COPG1: variants seen among roughly 807,000 people sequenced by gnomAD.
COPG1 encodes the protein coatomer subunit gamma-1.
A neutral mutation model predicts 102.8 loss-of-function variants in COPG1; 29 were observed. The observed-to-expected ratio is 0.28, with a 90% CI of 0.21 to 0.38. COPG1 has a LOEUF of 0.38. COPG1 is among the 10% of genes least tolerant of loss of function. COPG1 has a pLI of 1.00. For synonymous variants in COPG1, 406 were observed against 421.6 expected (o/e 0.96, Z 0.45); for missense variants, 875 against 1,132.7 (o/e 0.77, Z 3.27).
intron 3 of COPG1, 94 bp from the exon 4 acceptor site, chr3:129,252,529 C>T: frequency 1.7e-6 from 2 of 1,177,204 alleles, no homozygotes; most frequent in Non-Finnish European, 1.3e-6. Flanking sequence ...CCTTGAGCCT[C>T]TTTAGGGTCT....
At chr3:129,259,289 C>T (rs995337564) in intron 10 of COPG1, among the ~76,000 whole-genome samples, 8 of 151,838 alleles carry the variant, frequency 5.3e-5, no homozygotes, top group African/African-American at 1.9e-4. Context: ...GGTGAAACCC[C>T]ATCTCTACTA....
intron 13 of COPG1, among the ~76,000 whole-genome samples, chr3:129,264,644 G>T (rs1246017886): frequency 6.6e-6 from 1 of 152,076 alleles, no homozygotes; most frequent in African/African-American, 2.4e-5. Context: ...GCACTTTGGT[G>T]ATTGTGTTTG....
At position 129,276,933 on chromosome 3, in the gene COPG1, C is replaced by T. The variant is rs1410329126; in HGVS notation, c.2495-361C>T. Among the ~76,000 whole-genome samples, 3 of 150,908 alleles carry T rather than the reference C, an allele frequency of 2.0e-5. No homozygotes were observed. In the Middle Eastern group the frequency reaches 0.01, roughly 520 times the overall value. ...CCGCCTCCCGGGTTCAAGCGATTCT[C>T]CTGCTTCAGCCTCCCGAGTAGCTGG... On this transcript the variant is annotated intron_variant, in intron 23 of 23. Coordinates refer to ENST00000314797, the MANE Select transcript of COPG1 (RefSeq NM_016128.4).
intron 8 of COPG1, among the ~76,000 whole-genome samples, 180 bp from the exon 9 acceptor site, chr3:129,257,290 G>A (rs1939828934): frequency 6.6e-6 from 1 of 152,210 alleles, no homozygotes; most frequent in Admixed American, 6.5e-5. Context: ...GGTTTGTGAA[G>A]CATTGTGTGG....
Position 129,274,944 on chromosome 3 carries a change from C to T in COPG1, c.2363C>T (p.Thr788Met), listed in dbSNP as rs533742765. The part of the protein sequence containing the change: ...EVGDEFEKEE[T>M]FTLSTIKTLE... Reference sequence around the variant, plus strand: ...GGGGATGAATTTGAGAAGGAGGAAACGTTCACCTTGTCTACCATCAAGACA... The same window carrying T: ...GGGGATGAATTTGAGAAGGAGGAAATGTTCACCTTGTCTACCATCAAGACA... The change falls in exon 22 of 24, where the codon ACG becomes ATG. Residue 788 changes from threonine (T) to methionine (M), a missense_variant. Physicochemically the swap from Thr to Met is moderately conservative, Grantham distance 81. Coordinates refer to ENST00000314797, the MANE Select transcript of COPG1 (RefSeq NM_016128.4). The T allele has an allele frequency of 4.2e-5, 67 of 1,614,132 alleles. No homozygotes were observed. In the East Asian group the frequency reaches 1.0e-3, roughly 25 times the overall value.
chr3:129,251,918 C>T (rs1169637211), intron 2 of COPG1, among the ~76,000 whole-genome samples: 1 of 152,002 alleles, frequency 6.6e-6, no homozygotes, highest in African/African-American at 2.4e-5. Context: ...GAACTGACCT[C>T]AGGTGATCCA....
chr3:129,253,915 G>T (rs1939747849), intron 5 of COPG1, among the ~76,000 whole-genome samples: 1 of 148,058 alleles, frequency 6.8e-6, no homozygotes, highest in African/African-American at 2.5e-5. Context: ...CAGGAGAATT[G>T]CTTGAACTGG....
In COPG1 at chr3:129,272,922, G is replaced by C. The variant is rs1268054337; in HGVS notation, c.2256+18G>C. 3 of 1,496,194 alleles carry C rather than the reference G, an allele frequency of 2.0e-6. No individual in the cohort carries two copies. The highest frequency in any genetic ancestry group is 2.8e-6 in the Non-Finnish European group (3 of 1,076,744). 92.7% of individuals were successfully genotyped at this position (1,496,194 alleles called of 1,614,324 possible). On this transcript the variant is annotated intron_variant, in intron 21 of 23. Coordinates refer to ENST00000314797, the MANE Select transcript of COPG1 (RefSeq NM_016128.4). ...AGTATGTGGTAAGATCCTGGTGTCAGGAAGCTCAGTTTTGTGCTGAGGCTG... is the reference window on the plus strand; with the variant it reads ...AGTATGTGGTAAGATCCTGGTGTCACGAAGCTCAGTTTTGTGCTGAGGCTG...
At chr3:129,270,983 C>G (rs1045757479) in intron 18 of COPG1, among the ~76,000 whole-genome samples, 3 of 152,228 alleles carry the variant, frequency 2.0e-5, no homozygotes, top group African/African-American at 7.2e-5. Flanking sequence ...TTAGCAAGCT[C>G]TGCCGCCAAC....
At chr3:129,258,277 G>A (rs1188083927) in intron 10 of COPG1, among the ~76,000 whole-genome samples, 1 of 152,216 alleles carries the variant, frequency 6.6e-6, no homozygotes, top group Non-Finnish European at 1.5e-5. Flanking sequence ...TAGAGCCCTG[G>A]CTCTGCCCCT....
intron 18 of COPG1, among the ~76,000 whole-genome samples, chr3:129,269,699 C>T (rs9784240): frequency 0.11 from 16,236 of 152,046 alleles, 2,435 homozygotes; most frequent in African/African-American, 0.33. Flanking sequence ...CCCCATTACA[C>T]TCAGAATCAT....
chr3:129,266,963 G>A lies in COPG1; in HGVS notation c.1469-61G>A. 4 of 1,458,852 alleles carry A rather than the reference G, an allele frequency of 2.7e-6. No homozygotes were observed. The South Asian group carries it at 3.4e-5, about 12-fold the overall frequency. 90.4% of individuals were successfully genotyped at this position (1,458,852 alleles called of 1,614,324 possible). ...TGAAGACCCATTCTGAGTGCTGGAA[G>A]TGCCCAAACAGTGAGTTGTCAGGGT... On this transcript the variant is annotated intron_variant, in intron 14 of 23. Transcript: ENST00000314797.
intron 10 of COPG1, among the ~76,000 whole-genome samples, chr3:129,258,435 G>A (rs889128648): frequency 2.0e-5 from 3 of 152,208 alleles, no homozygotes; most frequent in African/African-American, 7.2e-5. Context: ...AAGGCAACAT[G>A]TTTGTTGTTT....
rs1478139150 is a variant in COPG1 at position 129,255,049 on chromosome 3, T to A, written c.464T>A (p.Val155Asp). Residue 155 changes from valine to aspartate, a missense_variant, in exon 7 of 24, where the codon GTC (valine) becomes GAC (aspartate). Physicochemically the swap from Val to Asp is radical, Grantham distance 152. Transcript: ENST00000314797. ...KQAIVDKVPSVSSSALVSSLH... is the reference protein window; with the variant it reads ...KQAIVDKVPSDSSSALVSSLH... ...GCCATTGTGGACAAGGTGCCCAGTG[T>A]CTCCAGCTCTGCCCTCGTGTCTTCC... 4.3e-6 allele frequency: 7 copies of A among 1,613,978 alleles called. No individual in the cohort carries two copies. The highest frequency in any genetic ancestry group is 5.9e-6 in the Non-Finnish European group (7 of 1,179,936).
intron 21 of COPG1, among the ~76,000 whole-genome samples, chr3:129,274,336 A>G (rs1267359737): frequency 6.6e-6 from 1 of 152,096 alleles, no homozygotes; most frequent in African/African-American, 2.4e-5. Flanking sequence ...TGTCAAGTTC[A>G]GGGAAGACAC....
chr3:129,273,973 C>A, intron 21 of COPG1: 4 of 454,652 alleles, frequency 8.8e-6, no homozygotes, highest in Non-Finnish European at 1.8e-5. Context: ...CCATTATGCT[C>A]AGCCTGTGGA....
intron 5 of COPG1, among the ~76,000 whole-genome samples, chr3:129,253,789 C>T (rs1332218179): frequency 6.6e-6 from 1 of 152,048 alleles, no homozygotes; most frequent in Non-Finnish European, 1.5e-5. Context: ...CACTTGAGGT[C>T]AGGAGTTTGA....
At chr3:129,265,887 C>G in intron 14 of COPG1, 95 bp downstream of exon 14, 1 of 1,247,572 alleles carries the variant, frequency 8.0e-7, no homozygotes, top group Non-Finnish European at 1.1e-6. Context: ...GATTTGTGCA[C>G]TCAGTGTTCT....
intron 14 of COPG1, among the ~76,000 whole-genome samples, chr3:129,266,059 C>T (rs1225764032): frequency 6.6e-6 from 1 of 152,018 alleles, no homozygotes; most frequent in Non-Finnish European, 1.5e-5. Context: ...GCAACCTCCG[C>T]CTCCCGGGTT....
Sources: allele counts gnomAD v4.1 joint callset (sites outside exome capture counted in the v4.1 genomes callset), GRCh38; gene constraint gnomAD v4.1.1; transcripts MANE v1.5; gene names NCBI Gene and HGNC (gene_info 2026-07-23, HGNC 2026-07-21).